Variants in RXRA observed in about 807,000 individuals in gnomAD.
The protein encoded by RXRA is retinoic acid receptor RXR-alpha.
A neutral mutation model predicts 44.5 loss-of-function variants in RXRA; 5 were observed. That is an observed-to-expected ratio of 0.11 (90% CI 0.06 to 0.24). RXRA has a LOEUF of 0.24. RXRA is among the 10% of genes least tolerant of loss of function. The pLI is 1.00. For missense variants in RXRA, 412 were observed against 646.5 expected, an observed-to-expected ratio of 0.64 and a Z score of 3.93; for synonymous variants, 291 against 271.4, an observed-to-expected ratio of 1.07 and a Z score of -0.71.
intron 1 of RXRA, among the ~76,000 whole-genome samples, chr9:134,331,988 G>T (rs1372660282): frequency 6.6e-6 from 1 of 152,224 alleles, no homozygotes; most frequent in Admixed American, 6.5e-5. Context: ...TGTTCAGTGG[G>T]GACCCTGGTG....
chr9:134,371,560 G>C (rs566410945), intron 1 of RXRA, among the ~76,000 whole-genome samples: 3 of 152,370 alleles, frequency 2.0e-5, no homozygotes, highest in South Asian at 2.1e-4. Context: ...CCCCTAACAA[G>C]CTGGCAGAGA....
chr9:134,346,484 C>T (rs1030554552), intron 1 of RXRA, among the ~76,000 whole-genome samples: 1 of 152,176 alleles, frequency 6.6e-6, no homozygotes, highest in Non-Finnish European at 1.5e-5. Flanking sequence ...TCCTTCTGAG[C>T]ACTCACCAGG....
At chr9:134,376,959 C>T (rs1215931863) in intron 1 of RXRA, among the ~76,000 whole-genome samples, 1 of 152,218 alleles carries the variant, frequency 6.6e-6, no homozygotes, top group African/African-American at 2.4e-5. Context: ...CACGTGTTCA[C>T]TGGCTGAGTG....
intron 1 of RXRA, among the ~76,000 whole-genome samples, chr9:134,361,304 C>T (rs796666917): frequency 6.6e-6 from 1 of 152,176 alleles, no homozygotes; most frequent in African/African-American, 2.4e-5. Flanking sequence ...GAAGCACAGC[C>T]CTGCCTGCCA....
chr9:134,413,526 A>G (rs149391865), intron 4 of RXRA, among the ~76,000 whole-genome samples: 1 of 151,436 alleles, frequency 6.6e-6, no homozygotes, highest in East Asian at 2.0e-4. Context: ...CTGTCTCCCC[A>G]CCCTTAAGAG....
rs931598774 is a variant in RXRA at position 134,433,617 on chromosome 9, G to C, written c.1136-485G>C. Reference sequence around the variant, plus strand: ...TGTCCACTCTAGGCTCTTGAGCCCGGGTCCTGAGCTCAGGACTCCGCAAGC... The same window carrying C: ...TGTCCACTCTAGGCTCTTGAGCCCGCGTCCTGAGCTCAGGACTCCGCAAGC... On this transcript the variant is annotated intron_variant, in intron 8 of 9. Transcript: ENST00000481739. The surrounding 1 kb of genome is among the most constrained non-coding windows in gnomAD (Gnocchi z 4.2). Among the ~76,000 whole-genome samples the C allele has an allele frequency of 6.6e-6, 1 of 150,620 alleles. No individual in the cohort carries two copies. The highest frequency in any genetic ancestry group is 2.5e-5 in the African/African-American group (1 of 40,116).
At chr9:134,401,160 G>T (rs1178050934) in intron 1 of RXRA, among the ~76,000 whole-genome samples, 1 of 152,270 alleles carries the variant, frequency 6.6e-6, no homozygotes, top group South Asian at 2.1e-4. Context: ...GAACTGACCA[G>T]GTCCTGGTAC....
chr9:134,388,406 G>C (rs2119116652), intron 1 of RXRA, among the ~76,000 whole-genome samples: 1 of 152,250 alleles, frequency 6.6e-6, no homozygotes, highest in East Asian at 1.9e-4. Context: ...GTCTCTTCTG[G>C]GAATGACTTG....
At chr9:134,377,204 C>T (rs1409488206) in intron 1 of RXRA, among the ~76,000 whole-genome samples, 6 of 152,234 alleles carry the variant, frequency 3.9e-5, no homozygotes, top group Non-Finnish European at 7.3e-5. Context: ...GCTTTCATTT[C>T]TGGGGGCCTC....
At position 134,408,460 on chromosome 9, in the gene RXRA, C is replaced by T. The variant is rs190117291; in HGVS notation, c.430+161C>T. Among the ~76,000 whole-genome samples, 46 of 152,248 alleles carry T rather than the reference C, an allele frequency of 3.0e-4. No individual in the cohort carries two copies. The East Asian group carries it at 7.7e-3, about 26-fold the overall frequency. On this transcript the variant is annotated intron_variant, in intron 3 of 9. Coordinates refer to ENST00000481739, the MANE Select transcript of RXRA (RefSeq NM_002957.6). ...GCCATGCCCCACTCCCAGGGCTCCGCGAGGCCATTCCAGGGTTCTCACGTC... is the reference window on the plus strand; with the variant it reads ...GCCATGCCCCACTCCCAGGGCTCCGTGAGGCCATTCCAGGGTTCTCACGTC...
intron 1 of RXRA, among the ~76,000 whole-genome samples, chr9:134,378,233 C>G (rs991377754): frequency 7.2e-5 from 11 of 152,258 alleles, no homozygotes; most frequent in Non-Finnish European, 1.5e-4. Context: ...GAGTCCCTGG[C>G]TGGATGCTGT....
chr9:134,428,365 G>GC (rs1358692906), intron 6 of RXRA, among the ~76,000 whole-genome samples: 1 of 116,186 alleles, frequency 8.6e-6, no homozygotes, highest in Non-Finnish European at 1.8e-5. Context: ...CTAACTGTCT[G>GC]CCCCCCAGGG....
chr9:134,338,069 G>C (rs1227609691), intron 1 of RXRA, among the ~76,000 whole-genome samples: 1 of 152,186 alleles, frequency 6.6e-6, no homozygotes, highest in Non-Finnish European at 1.5e-5. Flanking sequence ...GGCGGTCAGC[G>C]GCAGCCACAG....
At chr9:134,429,384 G>A in intron 7 of RXRA, 144 bp downstream of exon 7, 2 of 910,528 alleles carry the variant, frequency 2.2e-6, no homozygotes, top group Non-Finnish European at 3.2e-6. Flanking sequence ...AAAGAGAAAA[G>A]CATGAGGAGG....
chr9:134,358,666 C>T (rs1830313787), intron 1 of RXRA, among the ~76,000 whole-genome samples: 1 of 152,226 alleles, frequency 6.6e-6, no homozygotes, highest in Non-Finnish European at 1.5e-5. Flanking sequence ...CCCTGCCCTC[C>T]CCTCCCCGCC....
chr9:134,367,430 G>T (rs1830428116), intron 1 of RXRA, among the ~76,000 whole-genome samples: 1 of 152,210 alleles, frequency 6.6e-6, no homozygotes, highest in South Asian at 2.1e-4. Flanking sequence ...TCTGCCTTGG[G>T]TTTCTCTTGC....
intron 1 of RXRA, among the ~76,000 whole-genome samples, chr9:134,333,691 G>A (rs1469829078): frequency 1.3e-5 from 2 of 152,164 alleles, no homozygotes; most frequent in African/African-American, 4.8e-5. Flanking sequence ...GGGAAGCCCC[G>A]GGGAGGGATC....
chr9:134,421,868 T>C (rs759669846), intron 6 of RXRA, 63 bp downstream of exon 6: 2 of 1,585,222 alleles, frequency 1.3e-6, no homozygotes, highest in Non-Finnish European at 1.7e-6. Flanking sequence ...ACCAGGACAC[T>C]CCCCCCTCCC....
In RXRA at chr9:134,326,502, C is replaced by T. The variant is rs1834910951; in HGVS notation, c.-130C>T. The T allele has an allele frequency of 7.0e-6, 1 of 142,724 alleles. No homozygotes were observed. The highest frequency in any genetic ancestry group is 1.5e-5 in the Non-Finnish European group (1 of 64,764). The allele number at this position is 142,724 out of a possible 1,614,324, so 8.8% of individuals were successfully genotyped here. A position where few individuals can be genotyped will look rare whatever the true frequency, so the allele number is the denominator to read the frequency against. ...TTGCAACAACTCGCCGCGCCGCGGC[C>T]TCCGCGCGCCGCCGCCGCCACCGCA... is the stretch of plus-strand genomic sequence containing the variant. On this transcript the variant is annotated 5_prime_UTR_variant, in exon 1 of 10. Transcript: ENST00000481739.
Sources: allele counts gnomAD v4.1 joint callset (sites outside exome capture counted in the v4.1 genomes callset), GRCh38; gene constraint gnomAD v4.1.1; non-coding constraint Gnocchi (gnomAD v3.1); transcripts MANE v1.5; gene names NCBI Gene and HGNC (gene_info 2026-07-23, HGNC 2026-07-21).